PIK3CD: variants seen among roughly 807,000 people sequenced by gnomAD.
PIK3CD encodes phosphatidylinositol-4,5-bisphosphate 3-kinase catalytic subunit delta.
PIK3CD carries 20 observed loss-of-function variants against 122.9 expected under a neutral mutation model. The observed-to-expected ratio is 0.16, with a 90% CI of 0.11 to 0.24. The LOEUF (loss-of-function observed/expected upper bound fraction) is 0.24, where lower values mean the gene tolerates loss of function less well. Among genes scored for constraint, PIK3CD ranks in the 10% least tolerant of loss-of-function variants. PIK3CD has a pLI of 1.00. For synonymous variants in PIK3CD, 596 were observed against 593.4 expected (o/e 1.00, Z -0.06); for missense variants, 787 against 1,406.3 (o/e 0.56, Z 7.04).
At position 9,719,511 on chromosome 1, in the gene PIK3CD, AT is replaced by A; in HGVS notation, c.1243-408del. On this transcript the variant is annotated intron_variant, in intron 9 of 23. Transcript: ENST00000377346. The surrounding 1 kb of genome is among the most constrained non-coding windows in gnomAD (Gnocchi z 5.5). Reference sequence around the variant, plus strand: ...CTGTCTCTACTGAAAATACAAAAAAATTAGCCGGGCGTGGAGGCACATGCCT... The same window carrying A: ...CTGTCTCTACTGAAAATACAAAAAAATAGCCGGGCGTGGAGGCACATGCCT... 6.6e-6 allele frequency among the ~76,000 whole-genome samples: 1 copy of A among 152,284 alleles called. No homozygotes were observed. The highest frequency in any genetic ancestry group is 2.1e-4 in the South Asian group (1 of 4,824).
the PIK3CD span, among the ~76,000 whole-genome samples, chr1:9,639,250 C>T: frequency 2.0e-5 from 3 of 151,992 alleles, no homozygotes; most frequent in Non-Finnish European, 4.4e-5. Context: ...TGGGGATTCA[C>T]GTGGGGTTAC....
At position 9,675,107 on chromosome 1, in the gene PIK3CD, C is replaced by T. The variant is rs1645472916; in HGVS notation, c.-137-16360C>T. Among the ~76,000 whole-genome samples the T allele has an allele frequency of 2.0e-5, 3 of 151,162 alleles. No homozygotes were observed. In the South Asian group the frequency reaches 6.3e-4, roughly 32 times the overall value. ...GCCTTATGACAACCCTGTTTGAGGCCGGGCGCGGTGGCTCACACTTGTAAT... is the reference window on the plus strand; with the variant it reads ...GCCTTATGACAACCCTGTTTGAGGCTGGGCGCGGTGGCTCACACTTGTAAT... On this transcript the variant is annotated intron_variant, in intron 1 of 23. Transcript: ENST00000377346.
intron 1 of PIK3CD, among the ~76,000 whole-genome samples, chr1:9,656,509 G>T (rs1015953646): frequency 6.6e-6 from 1 of 152,182 alleles, no homozygotes; most frequent in Non-Finnish European, 1.5e-5. Flanking sequence ...CATGCTTATA[G>T]TTTCAGCTAC....
chr1:9,671,341 C>T (rs1307463300), intron 1 of PIK3CD, among the ~76,000 whole-genome samples: 2 of 152,110 alleles, frequency 1.3e-5, no homozygotes, highest in South Asian at 2.1e-4. Flanking sequence ...CCAAGAGATC[C>T]ACCCACCTTG....
Position 9,689,971 on chromosome 1 carries a change from G to GC in PIK3CD, c.-137-1490dup, listed in dbSNP as rs914541894. Among the ~76,000 whole-genome samples, 17 of 152,170 alleles carry GC rather than the reference G, an allele frequency of 1.1e-4. No homozygotes were observed. The highest frequency in any genetic ancestry group is 1.6e-4 in the Non-Finnish European group (11 of 68,006). ...TCCTAATCTGGTTGCTTCCTTTTGTGCCCCCCGGGGGTCAGGAATCCCAGG... is the reference window on the plus strand; with the variant it reads ...TCCTAATCTGGTTGCTTCCTTTTGTGCCCCCCCGGGGGTCAGGAATCCCAGG... On this transcript the variant is annotated intron_variant, in intron 1 of 23. Coordinates refer to ENST00000377346, the MANE Select transcript of PIK3CD (RefSeq NM_005026.5). This position sits in a 1 kb window ranked among gnomAD's most constrained non-coding sequence, Gnocchi z 6.1.
rs1243470153 is a variant in PIK3CD at position 9,716,626 on chromosome 1, C to T, written c.780+7C>T. On this transcript the variant is annotated splice_region_variant and intron_variant, in intron 6 of 23. Coordinates refer to ENST00000377346, the MANE Select transcript of PIK3CD (RefSeq NM_005026.5). The stretch of plus-strand genomic sequence containing the variant: ...CCCGCTCTGCCAGTTCCAGGTGAGG[C>T]CGCTGAGGCCCTCTGCACTCTGGGC... The T allele has an allele frequency of 6.4e-7, 1 of 1,551,936 alleles. No individual in the cohort carries two copies. The highest frequency in any genetic ancestry group is 8.7e-7 in the Non-Finnish European group (1 of 1,148,602).
chr1:9,682,875 T>G (rs1175323619), intron 1 of PIK3CD, among the ~76,000 whole-genome samples: 1 of 152,078 alleles, frequency 6.6e-6, no homozygotes, highest in East Asian at 1.9e-4. Flanking sequence ...GGATGTCCAT[T>G]TTAGTGGGAA....
chr1:9,722,655 G>A lies in PIK3CD; in HGVS notation c.2426+49G>A. ...TCCCTTGGTGTCTGTGCCCAGCCTG[G>A]GAGTCTGTGCCCCTGGAGGGGTCCT... is the stretch of plus-strand genomic sequence containing the variant. On this transcript the variant is annotated intron_variant, in intron 19 of 23. Coordinates refer to ENST00000377346, the MANE Select transcript of PIK3CD (RefSeq NM_005026.5). This position sits in a 1 kb window ranked among gnomAD's most constrained non-coding sequence, Gnocchi z 7.6. The A allele has an allele frequency of 6.7e-7, 1 of 1,489,384 alleles. No individual in the cohort carries two copies. Among genetic ancestry groups the A allele is most frequent in the South Asian group, 1.1e-5 (1 of 88,326 alleles). 92.3% of individuals were successfully genotyped at this position (1,489,384 alleles called of 1,614,324 possible). A position where few individuals can be genotyped will look rare whatever the true frequency, so the allele number is the denominator to read the frequency against.
At position 9,727,211 on chromosome 1, in the gene PIK3CD, T is replaced by G; in HGVS notation, c.*165T>G. ...TATTTATTTATGACTTGAAATAGTT[T>G]AAGGAGCTAAACAGCCATAAACGGA... On this transcript the variant is annotated 3_prime_UTR_variant, in exon 24 of 24. Coordinates refer to ENST00000377346, the MANE Select transcript of PIK3CD (RefSeq NM_005026.5). 2 of 827,522 alleles carry G rather than the reference T, an allele frequency of 2.4e-6. No individual in the cohort carries two copies. The highest frequency in any genetic ancestry group is 3.9e-6 in the Non-Finnish European group (2 of 510,434). The allele number at this position is 827,522 out of a possible 1,614,324, so 51.3% of individuals were successfully genotyped here.
intron 1 of PIK3CD, among the ~76,000 whole-genome samples, chr1:9,683,124 CAAAA>C (rs756702134): frequency 2.8e-5 from 2 of 70,478 alleles, no homozygotes; most frequent in Non-Finnish European, 5.9e-5. Flanking sequence ...GACATTGTCT[CAAAA>C]AAAAAAAAAA....
chr1:9,716,883 G>C, intron 6 of PIK3CD, 76 bp from the exon 7 acceptor site: 1 of 1,600,270 alleles, frequency 6.2e-7, no homozygotes, highest in African/African-American at 1.3e-5. Flanking sequence ...GGCAGCTTGG[G>C]GGGTCCTGGG....
intron 1 of PIK3CD, among the ~76,000 whole-genome samples, chr1:9,655,609 C>A: frequency 6.6e-6 from 1 of 151,996 alleles, no homozygotes; most frequent in African/African-American, 2.4e-5. Flanking sequence ...CCCCTCCCTC[C>A]CCAGAAGTCA....
chr1:9,669,417 T>C (rs1645256615), intron 1 of PIK3CD, among the ~76,000 whole-genome samples: 1 of 152,148 alleles, frequency 6.6e-6, no homozygotes, highest in Admixed American at 6.6e-5. Context: ...AGAAACAGTC[T>C]CAAGAGGTCC....
At chr1:9,688,699 G>C (rs1201351780) in intron 1 of PIK3CD, among the ~76,000 whole-genome samples, 1 of 152,110 alleles carries the variant, frequency 6.6e-6, no homozygotes, top group Non-Finnish European at 1.5e-5. Context: ...GAGGTGGTGC[G>C]CACTTGAGGT....
At chr1:9,661,396 T>A (rs781245221) in intron 1 of PIK3CD, among the ~76,000 whole-genome samples, 3 of 150,218 alleles carry the variant, frequency 2.0e-5, no homozygotes, top group Admixed American at 7.3e-5. Flanking sequence ...TTTTCTTTTC[T>A]TTTCTTTTTC....
At chr1:9,674,393 A>C (rs183098951) in intron 1 of PIK3CD, among the ~76,000 whole-genome samples, 1 of 152,216 alleles carries the variant, frequency 6.6e-6, no homozygotes, top group Admixed American at 6.5e-5. Flanking sequence ...GAAAATACGA[A>C]GGTTGGCCGG....
chr1:9,648,859 T>C (rs1157086686), upstream of PIK3CD, among the ~76,000 whole-genome samples: 2 of 152,168 alleles, frequency 1.3e-5, no homozygotes, highest in African/African-American at 4.8e-5. Flanking sequence ...CCCAGCACTT[T>C]GGGAGGCTGA....
rs534346126 is a variant in PIK3CD, at chr1:9,710,227, C to G, written c.-32-197C>G. 2.1e-5 allele frequency: 12 copies of G among 573,098 alleles called. No individual in the cohort carries two copies. Among genetic ancestry groups the G allele is most frequent in the African/African-American group, 3.7e-5 (2 of 53,714 alleles). The allele number at this position is 573,098 out of a possible 1,614,324, so 35.5% of individuals were successfully genotyped here. Reference sequence around the variant, plus strand: ...GGAGAAGAGGCAGCTGAGGCCGTGGCCCGGAGTAGTAGGAGCCACAAGCCA... The same window carrying G: ...GGAGAAGAGGCAGCTGAGGCCGTGGGCCGGAGTAGTAGGAGCCACAAGCCA... On this transcript the variant is annotated intron_variant, in intron 2 of 23. Transcript: ENST00000377346. This position sits in a 1 kb window ranked among gnomAD's most constrained non-coding sequence, Gnocchi z 4.7.
chr1:9,627,761 G>A, the PIK3CD span, among the ~76,000 whole-genome samples: 3 of 152,302 alleles, frequency 2.0e-5, no homozygotes, highest in Admixed American at 1.3e-4. Context: ...TGCTGGCCCC[G>A]GGTGCTGTTG....
Sources: gnomAD v4.1 joint callset for allele counts (sites outside exome capture counted in the v4.1 genomes callset) on GRCh38, gnomAD v4.1.1 for gene constraint, Gnocchi (gnomAD v3.1) non-coding constraint, MANE v1.5 for transcripts, NCBI Gene and HGNC (gene_info 2026-07-23, HGNC 2026-07-21) for gene names.